The following C4orf51 variants were observed in gnomAD, a reference collection of about 807,000 sequenced individuals.
C4orf51 encodes uncharacterized protein C4orf51.
C4orf51 carries 25 observed loss-of-function variants against 25.2 expected under a neutral mutation model. The ratio of observed to expected loss-of-function variants is 0.99; its 90% CI spans 0.72 to 1.39. C4orf51 has a LOEUF of 1.39. C4orf51 is among the 40% of genes most tolerant of loss of function. The pLI, the probability that C4orf51 is intolerant of heterozygous loss-of-function variation, is 0.00. For synonymous variants in C4orf51, 100 were observed against 84.5 expected (o/e 1.18, Z -1.01); for missense variants, 252 against 239.6 (o/e 1.05, Z -0.34).
intron 1 of C4orf51, among the ~76,000 whole-genome samples, chr4:145,740,581 A>T (rs996096651): frequency 1.3e-5 from 2 of 152,236 alleles, no homozygotes; most frequent in African/African-American, 4.8e-5. Flanking sequence ...ACAGGTTTTC[A>T]TAAAACAGCA....
intron 1 of C4orf51, among the ~76,000 whole-genome samples, chr4:145,750,191 T>A (rs960632206): frequency 3.3e-5 from 5 of 152,220 alleles, no homozygotes; most frequent in Non-Finnish European, 7.3e-5. Context: ...ATGCTGTTTT[T>A]TTTCTGTGTA....
chr4:145,685,043 A>G (rs992703659), intron 1 of C4orf51, among the ~76,000 whole-genome samples: 1 of 152,152 alleles, frequency 6.6e-6, no homozygotes, highest in Non-Finnish European at 1.5e-5. Context: ...TAACTGATGG[A>G]AAAAAGCAAA....
chr4:145,772,882 G>A (rs1046188041), downstream of C4orf51, among the ~76,000 whole-genome samples: 1 of 152,200 alleles, frequency 6.6e-6, no homozygotes, highest in African/African-American at 2.4e-5. Flanking sequence ...TTCATTCCCT[G>A]TGGTAATTAC....
chr4:145,740,522 C>T (rs764513100), intron 1 of C4orf51, among the ~76,000 whole-genome samples: 1 of 152,116 alleles, frequency 6.6e-6, no homozygotes, highest in Non-Finnish European at 1.5e-5. Flanking sequence ...GAAAAACCCA[C>T]TTTTAAAGAG....
At chr4:145,790,304 A>G in the C4orf51 span, among the ~76,000 whole-genome samples, 3 of 152,312 alleles carry the variant, frequency 2.0e-5, no homozygotes, top group East Asian at 5.8e-4. Flanking sequence ...TTTTCAATAT[A>G]TATTAATACT....
intron 2 of C4orf51, among the ~76,000 whole-genome samples, chr4:145,707,023 G>A (rs1730854474): frequency 6.6e-6 from 1 of 152,014 alleles, no homozygotes; most frequent in Admixed American, 6.5e-5. Context: ...ACCATATTGG[G>A]CAGGCTGCTC....
the C4orf51 span, among the ~76,000 whole-genome samples, chr4:145,788,290 C>A: frequency 6.6e-6 from 1 of 152,096 alleles, no homozygotes; most frequent in Non-Finnish European, 1.5e-5. Flanking sequence ...GAAAACTGGA[C>A]CTTGATTCCT....
chr4:145,785,337 AT>A, the C4orf51 span, among the ~76,000 whole-genome samples: 2 of 152,202 alleles, frequency 1.3e-5, no homozygotes, highest in African/African-American at 4.8e-5. Flanking sequence ...TCCTGGGAAG[AT>A]GAAACCCATC....
chr4:145,741,508 A>C (rs934432583), intron 1 of C4orf51, among the ~76,000 whole-genome samples: 1 of 152,090 alleles, frequency 6.6e-6, no homozygotes, highest in African/African-American at 2.4e-5. Flanking sequence ...TCAAAGGGTG[A>C]CTTGATAGAA....
At position 145,729,883 on chromosome 4, in the gene C4orf51, T is replaced by A; in HGVS notation, c.428-9T>A. On this transcript the variant is annotated splice_polypyrimidine_tract_variant and intron_variant, in intron 4 of 5. Transcript: ENST00000438731. ...AAACACTCACACATTGGCTATCTCTTCACCCTAGGTGTGAGACCTAAAAAG... is the reference window on the plus strand; with the variant it reads ...AAACACTCACACATTGGCTATCTCTACACCCTAGGTGTGAGACCTAAAAAG... The A allele has an allele frequency of 1.2e-6, 2 of 1,612,488 alleles. No individual in the cohort carries two copies. The highest frequency in any genetic ancestry group is 1.7e-6 in the Non-Finnish European group (2 of 1,178,536).
chr4:145,697,821 G>T (rs376130981), intron 2 of C4orf51, among the ~76,000 whole-genome samples: 10 of 152,322 alleles, frequency 6.6e-5, no homozygotes, highest in African/African-American at 2.2e-4. Flanking sequence ...ATGAACATGG[G>T]AGTGCAGGTA....
chr4:145,766,320 G>A (rs995057442), intron 1 of C4orf51, among the ~76,000 whole-genome samples: 1 of 152,186 alleles, frequency 6.6e-6, no homozygotes, highest in Non-Finnish European at 1.5e-5. Flanking sequence ...ACTCAAGAGA[G>A]CGCGTCAGGG....
intron 1 of C4orf51, chr4:145,764,899 CA>C: frequency 6.3e-7 from 1 of 1,595,982 alleles, no homozygotes; most frequent in Non-Finnish European, 8.6e-7. Flanking sequence ...CCATGACTCC[CA>C]AAACCTTCAC....
intron 1 of C4orf51, among the ~76,000 whole-genome samples, chr4:145,753,012 G>C (rs73854934): frequency 6.6e-6 from 1 of 151,892 alleles, no homozygotes; most frequent in Non-Finnish European, 1.5e-5. Flanking sequence ...CGCTGCTGGG[G>C]GCTGGGGAGG....
At position 145,728,561 on chromosome 4, in the gene C4orf51, G is replaced by A. The variant is rs75065976; in HGVS notation, c.367-608G>A. Among the ~76,000 whole-genome samples the A allele has an allele frequency of 7.9e-5, 12 of 152,248 alleles. No individual in the cohort carries two copies. In the East Asian group the frequency reaches 2.1e-3, roughly 27 times the overall value. Reference sequence around the variant, plus strand: ...AGGAAATATAAGGTTAGATTCCTGGGAGCCTCCAGTCACAACATCTTTGTC... The same window carrying A: ...AGGAAATATAAGGTTAGATTCCTGGAAGCCTCCAGTCACAACATCTTTGTC... On this transcript the variant is annotated intron_variant, in intron 3 of 5. Transcript: ENST00000438731.
chr4:145,756,404 C>T (rs530149165), downstream of C4orf51, among the ~76,000 whole-genome samples: 1 of 152,214 alleles, frequency 6.6e-6, no homozygotes, highest in East Asian at 1.9e-4. Context: ...TTGGAGATGC[C>T]GGGGTCCACA....
the C4orf51 span, among the ~76,000 whole-genome samples, chr4:145,787,677 A>C: frequency 6.6e-6 from 1 of 152,062 alleles, no homozygotes; most frequent in Non-Finnish European, 1.5e-5. Context: ...GAAACCTGTC[A>C]AGCATGTCTC....
At chr4:145,721,317 C>T (rs1454921140) in intron 2 of C4orf51, among the ~76,000 whole-genome samples, 4 of 149,412 alleles carry the variant, frequency 2.7e-5, no homozygotes, top group African/African-American at 1.0e-4. Context: ...TGCACTCCAG[C>T]CTGGGCGACA....
chr4:145,692,513 C>A (rs868682142), intron 1 of C4orf51, among the ~76,000 whole-genome samples: 1 of 152,150 alleles, frequency 6.6e-6, no homozygotes, highest in African/African-American at 2.4e-5. Context: ...GCTAAAAAAC[C>A]TGCACTTTTA....
Sources: gnomAD v4.1 joint callset for allele counts (sites outside exome capture counted in the v4.1 genomes callset) on GRCh38, gnomAD v4.1.1 for gene constraint, MANE v1.5 for transcripts, NCBI Gene and HGNC (gene_info 2026-07-23, HGNC 2026-07-21) for gene names.